The following C15orf39 variants were observed in gnomAD, a reference collection of about 807,000 sequenced individuals.
C15orf39 encodes uncharacterized protein C15orf39.
C15orf39 carries 24 observed loss-of-function variants against 53.9 expected under a neutral mutation model. That is an observed-to-expected ratio of 0.45 (90% CI 0.32 to 0.63). The LOEUF is 0.63. C15orf39 is among the 20% of genes least tolerant of loss of function. C15orf39 has a pLI of 0.04. For synonymous variants in C15orf39, 569 were observed against 576.5 expected (o/e 0.99, Z 0.19); for missense variants, 1,271 against 1,347.9 (o/e 0.94, Z 0.89).
intron 2 of C15orf39, chr15:75,209,584 G>A (rs1317958960): frequency 6.6e-6 from 1 of 152,270 alleles, no homozygotes. Context: ...CCGAAGTGTT[G>A]TGTGGCGTGT....
Position 75,207,267 on chromosome 15 carries a change from G to A in C15orf39, c.1219G>A (p.Val407Met). ...ACCTTCCCAGAACAATGTGCGGGCTGTGCCACAGCCTGGTGCCTTCCAGAG... is the reference window on the plus strand; with the variant it reads ...ACCTTCCCAGAACAATGTGCGGGCTATGCCACAGCCTGGTGCCTTCCAGAG... ...TPPSQNNVRA[V>M]PQPGAFQRAC... Residue 407 changes from valine (V) to methionine (M), a missense_variant, in exon 2 of 3, where the codon GTG (valine) becomes ATG (methionine). Val to Met is a conservative substitution (Grantham distance 21, BLOSUM62 1). Transcript: ENST00000394987. 1.2e-6 allele frequency: 2 copies of A among 1,613,544 alleles called. No individual in the cohort carries two copies. The highest frequency in any genetic ancestry group is 1.3e-5 in the African/African-American group (1 of 75,004).
In C15orf39 at chr15:75,207,822, C is replaced by T. The variant is rs767559287; in HGVS notation, c.1774C>T (p.Arg592Cys). The change falls in exon 2 of 3, where the codon CGT becomes TGT. Residue 592 changes from arginine to cysteine, a missense_variant. By Grantham distance (180) the Arg-to-Cys change is radical. Coordinates refer to ENST00000394987, the MANE Select transcript of C15orf39 (RefSeq NM_015492.5). ...TAEASPVKAS[R>C]SVEHAKPTAA... The stretch of plus-strand genomic sequence containing the variant: ...AGAGGCCTCCCCTGTCAAGGCTTCC[C>T]GTTCTGTGGAGCATGCCAAGCCTAC... The T allele has an allele frequency of 3.1e-6, 5 of 1,612,316 alleles. No homozygotes were observed. Among genetic ancestry groups the T allele is most frequent in the Non-Finnish European group, 4.2e-6 (5 of 1,179,408 alleles).
In C15orf39 at chr15:75,207,415, A is replaced by G. The variant is rs1348414683; in HGVS notation, c.1367A>G (p.Glu456Gly). 6.2e-6 allele frequency: 10 copies of G among 1,613,278 alleles called. No homozygotes were observed. Among genetic ancestry groups the G allele is most frequent in the Non-Finnish European group, 8.5e-6 (10 of 1,180,008 alleles). ...RKEKLQPRLS[E>G]HSGPPIVIRD... ...GAGAAGCTCCAGCCCCGGCTCAGTGAGCACTCTGGGCCGCCCATCGTCATC... is the reference window on the plus strand; with the variant it reads ...GAGAAGCTCCAGCCCCGGCTCAGTGGGCACTCTGGGCCGCCCATCGTCATC... The change falls in exon 2 of 3, where the codon GAG becomes GGG. Residue 456 changes from glutamate to glycine, a missense_variant. Coordinates refer to ENST00000394987, the MANE Select transcript of C15orf39 (RefSeq NM_015492.5).
intron 2 of C15orf39, 32 bp from the exon 3 acceptor site, chr15:75,210,717 G>C: frequency 6.3e-7 from 1 of 1,574,898 alleles, no homozygotes. Flanking sequence ...AGGGTATGGG[G>C]TCTGCAGGCT....
chr15:75,202,689 C>T (rs1799863671), intron 1 of C15orf39, among the ~76,000 whole-genome samples: 1 of 150,438 alleles, frequency 6.6e-6, no homozygotes, highest in African/African-American at 2.5e-5. Flanking sequence ...GCGGGCCTGC[C>T]TGCGTGCACA....
At chr15:75,205,901 C>G (rs1015147446) in intron 1 of C15orf39, 98 bp from the exon 2 acceptor site, 1 of 798,982 alleles carries the variant, frequency 1.3e-6, no homozygotes, top group Non-Finnish European at 1.9e-6. Flanking sequence ...GCGCCAGGTT[C>G]TTAGGTGTAG....
chr15:75,208,972 C>A, intron 2 of C15orf39, 148 bp downstream of exon 2: 1 of 1,324,362 alleles, frequency 7.6e-7, no homozygotes, highest in Non-Finnish European at 1.0e-6. Flanking sequence ...TAGGTACCCC[C>A]ACCCCTTGAC....
chr15:75,207,852 G>A lies in C15orf39; in HGVS notation c.1804G>A (p.Ala602Thr). The change falls in exon 2 of 3, where the codon GCC becomes ACC. Residue 602 changes from alanine to threonine, a missense_variant. By Grantham distance (58) the Ala-to-Thr change is moderately conservative. Coordinates refer to ENST00000394987, the MANE Select transcript of C15orf39 (RefSeq NM_015492.5). The stretch of plus-strand genomic sequence containing the variant: ...TGTGGAGCATGCCAAGCCTACTGCA[G>A]CCATGGATGTGCCAGATGTGGGCAA... ...RSVEHAKPTA[A>T]MDVPDVGNMV... 2 of 1,613,494 alleles carry A rather than the reference G, an allele frequency of 1.2e-6. No homozygotes were observed. Among genetic ancestry groups the A allele is most frequent in the Non-Finnish European group, 1.7e-6 (2 of 1,179,918 alleles).
Position 75,207,701 on chromosome 15 carries a change from C to T in C15orf39, c.1653C>T (p.Thr551=). Residue 551 remains threonine, a synonymous_variant, in exon 2 of 3, where the codon ACC becomes ACT. Coordinates refer to ENST00000394987, the MANE Select transcript of C15orf39 (RefSeq NM_015492.5). The part of the protein sequence containing the change: ...SEGQDKGCRG[T]LPAQEGPSGS... ...GTCAGGACAAAGGCTGCAGGGGGAC[C>T]CTGCCTGCCCAGGAGGGCCCCTCAG... 2 of 1,603,296 alleles carry T rather than the reference C, an allele frequency of 1.2e-6. No individual in the cohort carries two copies. Among genetic ancestry groups the T allele is most frequent in the Admixed American group, 1.7e-5 (1 of 59,306 alleles).
intron 1 of C15orf39, among the ~76,000 whole-genome samples, chr15:75,204,447 G>C (rs1485507429): frequency 6.6e-6 from 1 of 152,164 alleles, no homozygotes; most frequent in Non-Finnish European, 1.5e-5. Flanking sequence ...CTGGCCCCTG[G>C]GGCCTCCCTC....
In C15orf39 at chr15:75,207,496, G is replaced by T. The variant is rs1201525638; in HGVS notation, c.1448G>T (p.Cys483Phe). The T allele has an allele frequency of 2.5e-6, 4 of 1,613,518 alleles. No individual in the cohort carries two copies. The highest frequency in any genetic ancestry group is 8.5e-7 in the Non-Finnish European group (1 of 1,179,930). ...PPALPPCARE[C>F]QSLPQKEGAR... ...GCACTGCCCCCCTGTGCCCGGGAGT[G>T]CCAGTCTCTTCCACAGAAGGAGGGC... The change falls in exon 2 of 3, where the codon TGC becomes TTC. Residue 483 changes from cysteine (C) to phenylalanine (F), a missense_variant. Transcript: ENST00000394987.
chr15:75,209,748 T>C (rs938138734), intron 2 of C15orf39, among the ~76,000 whole-genome samples: 1 of 152,208 alleles, frequency 6.6e-6, no homozygotes, highest in Admixed American at 6.5e-5. Context: ...CCATTTCCAC[T>C]GCCCAGCCTC....
At chr15:75,200,738 T>G (rs2070395638), upstream of C15orf39, among the ~76,000 whole-genome samples, 1 of 152,054 alleles carries the variant, frequency 6.6e-6, no homozygotes, top group South Asian at 2.1e-4. Flanking sequence ...GCCCCAACCC[T>G]CTCTGAGTGT....
chr15:75,201,053 G>A (rs2070397690), upstream of C15orf39, among the ~76,000 whole-genome samples: 1 of 152,038 alleles, frequency 6.6e-6, no homozygotes, highest in Non-Finnish European at 1.5e-5. This position sits in a 1 kb window ranked among gnomAD's most constrained non-coding sequence, Gnocchi z 4.7. Flanking sequence ...CTTCCCCACT[G>A]CACACACCTG....
chr15:75,202,057 C>T lies in C15orf39; in HGVS notation c.-53C>T, dbSNP rs2070406179. On this transcript the variant is annotated splice_region_variant and 5_prime_UTR_variant, in exon 1 of 3. Transcript: ENST00000394987. ...CGGCGGCGGGAGTCCTGGCGCTCTGCAGGTAGGAGCTCGCCCGCTCGGCGG... is the reference window on the plus strand; with the variant it reads ...CGGCGGCGGGAGTCCTGGCGCTCTGTAGGTAGGAGCTCGCCCGCTCGGCGG... 2 of 152,094 alleles carry T rather than the reference C, an allele frequency of 1.3e-5. No individual in the cohort carries two copies. The highest frequency in any genetic ancestry group is 4.1e-4 in the South Asian group (2 of 4,842). The allele number at this position is 152,094 out of a possible 1,614,324, so 9.4% of individuals were successfully genotyped here.
At position 75,206,950 on chromosome 15, in the gene C15orf39, C is replaced by A; in HGVS notation, c.902C>A (p.Ala301Glu). 3.2e-6 allele frequency: 5 copies of A among 1,563,710 alleles called. No individual in the cohort carries two copies. The highest frequency in any genetic ancestry group is 4.3e-6 in the Non-Finnish European group (5 of 1,155,468). The change falls in exon 2 of 3, where the codon GCA (alanine) becomes GAA (glutamate). Residue 301 changes from alanine (A) to glutamate (E), a missense_variant. By Grantham distance (107) the Ala-to-Glu change is moderately radical (BLOSUM62 -1). Around this residue, in one of 2 missense-constraint regions of C15orf39, gnomAD observed 994 missense variants for 993.7 expected, o/e 1.00. Coordinates refer to ENST00000394987, the MANE Select transcript of C15orf39 (RefSeq NM_015492.5). The part of the protein sequence containing the change: ...HPEKQGSYSP[A>E]LPLQPLGGHK... ...GAGAAGCAGGGCAGCTACAGCCCAG[C>A]ACTCCCACTGCAGCCTCTGGGGGGC...
At chr15:75,204,956 T>C (rs1195926147) in intron 1 of C15orf39, among the ~76,000 whole-genome samples, 1 of 152,142 alleles carries the variant, frequency 6.6e-6, no homozygotes. Flanking sequence ...TGCAGCACCA[T>C]CTGCTGGGCT....
intron 1 of C15orf39, among the ~76,000 whole-genome samples, chr15:75,203,622 C>T (rs2070419562): frequency 6.6e-6 from 1 of 152,196 alleles, no homozygotes; most frequent in Admixed American, 6.5e-5. Flanking sequence ...TGTCTATTGA[C>T]TGGGTCCCAG....
chr15:75,207,277 C>T lies in C15orf39; in HGVS notation c.1229C>T (p.Pro410Leu). 2 of 1,613,546 alleles carry T rather than the reference C, an allele frequency of 1.2e-6. No homozygotes were observed. The highest frequency in any genetic ancestry group is 1.3e-5 in the African/African-American group (1 of 75,010). The change falls in exon 2 of 3, where the codon CCT becomes CTT. Residue 410 changes from proline (P) to leucine (L), a missense_variant. Around this residue, in one of 2 missense-constraint regions of C15orf39, gnomAD observed 994 missense variants for 993.7 expected, o/e 1.00. Transcript: ENST00000394987. ...AACAATGTGCGGGCTGTGCCACAGC[C>T]TGGTGCCTTCCAGAGGGCATGCCAG... Reference protein sequence around the residue: ...SQNNVRAVPQPGAFQRACQPL... With the variant: ...SQNNVRAVPQLGAFQRACQPL...
Sources: allele counts gnomAD v4.1 joint callset (sites outside exome capture counted in the v4.1 genomes callset), GRCh38; gene constraint gnomAD v4.1.1; regional missense constraint gnomAD v4.1.1; non-coding constraint Gnocchi (gnomAD v3.1); transcripts MANE v1.5; gene names NCBI Gene and HGNC (gene_info 2026-07-23, HGNC 2026-07-21).